HOMER1: variants seen among roughly 807,000 people sequenced by gnomAD.
The protein encoded by HOMER1 is homer protein homolog 1.
Under a neutral mutation model 48.9 loss-of-function variants are expected in HOMER1, and 3 were observed. The observed-to-expected ratio is 0.06, with a 90% CI of 0.03 to 0.16. HOMER1 has a LOEUF of 0.16. HOMER1 is among the 10% of genes least tolerant of loss of function. The pLI, the probability that HOMER1 is intolerant of heterozygous loss-of-function variation, is 1.00. For missense variants in HOMER1, 247 were observed against 411.4 expected (o/e 0.60, Z 3.46); for synonymous variants, 134 against 146.4 (o/e 0.92, Z 0.61).
chr5:79,512,633 T>C (rs1752973105), intron 1 of HOMER1, 137 bp downstream of exon 1: 6 of 766,684 alleles, frequency 7.8e-6, no homozygotes, highest in Non-Finnish European at 8.8e-6. Context: ...AAGGTTAGCA[T>C]GCCTATTTCT....
At chr5:79,509,513 C>G (rs993021348) in intron 1 of HOMER1, among the ~76,000 whole-genome samples, 3 of 152,130 alleles carry the variant, frequency 2.0e-5, no homozygotes, top group African/African-American at 7.2e-5. Context: ...GGGGTCATAC[C>G]TAACAGGGGC....
intron 8 of HOMER1, among the ~76,000 whole-genome samples, chr5:79,382,527 C>G (rs1408548113): frequency 2.0e-5 from 3 of 152,068 alleles, no homozygotes; most frequent in Non-Finnish European, 2.9e-5. Context: ...AAACAAAAAA[C>G]AAAACTGCTA....
chr5:79,476,525 C>G (rs1286668001), intron 1 of HOMER1, among the ~76,000 whole-genome samples: 2 of 152,174 alleles, frequency 1.3e-5, no homozygotes, highest in East Asian at 3.9e-4. Flanking sequence ...GACCAACTGG[C>G]TTTGAGTTGG....
chr5:79,481,002 C>T (rs1020802067), intron 1 of HOMER1, among the ~76,000 whole-genome samples: 8 of 152,058 alleles, frequency 5.3e-5, no homozygotes, highest in Non-Finnish European at 1.0e-4. Context: ...TTTATTTGCC[C>T]CATATAAAGC....
In HOMER1 at chr5:79,493,653, T is replaced by C. The variant is rs535960872; in HGVS notation, c.5+19117A>G. On this transcript the variant is annotated intron_variant, in intron 1 of 8. Coordinates refer to ENST00000334082, the MANE Select transcript of HOMER1 (RefSeq NM_004272.5). ...TCTATGAGGACAATATTTCTCCTAC[T>C]GAAGGTTAACTCCTCCATCTGTGCT... Among the ~76,000 whole-genome samples the C allele has an allele frequency of 4.6e-5, 7 of 152,366 alleles. No individual in the cohort carries two copies. The East Asian group carries it at 1.2e-3, about 25-fold the overall frequency.
At chr5:79,406,816 T>A (rs1749673508) in intron 5 of HOMER1, among the ~76,000 whole-genome samples, 1 of 152,120 alleles carries the variant, frequency 6.6e-6, no homozygotes, top group African/African-American at 2.4e-5. Context: ...TACACAAGAC[T>A]CTCAACTATC....
chr5:79,481,351 T>C (rs1482566049), intron 1 of HOMER1, among the ~76,000 whole-genome samples: 6 of 152,120 alleles, frequency 3.9e-5, no homozygotes. Flanking sequence ...GCACAATAAA[T>C]AGCATGGCAC....
intron 5 of HOMER1, among the ~76,000 whole-genome samples, chr5:79,435,787 A>G (rs1244283892): frequency 6.9e-6 from 1 of 145,256 alleles, no homozygotes; most frequent in Non-Finnish European, 1.5e-5. Flanking sequence ...GCCAAGATTG[A>G]GCCATTGCAC....
At chr5:79,490,044 A>G in intron 1 of HOMER1, among the ~76,000 whole-genome samples, 1 of 152,232 alleles carries the variant, frequency 6.6e-6, no homozygotes, top group Non-Finnish European at 1.5e-5. Context: ...GGTGATGTCA[A>G]TCACTGCAAA....
chr5:79,377,649 C>G (rs913680785), intron 8 of HOMER1, among the ~76,000 whole-genome samples: 5 of 152,036 alleles, frequency 3.3e-5, no homozygotes, highest in Admixed American at 3.3e-4. Flanking sequence ...GGAATTCTAT[C>G]AAGTCTAAAG....
chr5:79,485,677 A>T (rs1336105098), intron 1 of HOMER1, among the ~76,000 whole-genome samples: 1 of 152,226 alleles, frequency 6.6e-6, no homozygotes, highest in Non-Finnish European at 1.5e-5. Flanking sequence ...GAAAATGAAG[A>T]GCTATGAGAA....
intron 1 of HOMER1, chr5:79,510,404 G>C: frequency 1.6e-6 from 1 of 619,142 alleles, no homozygotes; most frequent in Non-Finnish European, 3.0e-6. Flanking sequence ...GATTCTAGGC[G>C]CTTCAGGAGC....
At chr5:79,458,683 C>T (rs1751237070) in intron 1 of HOMER1, among the ~76,000 whole-genome samples, 2 of 152,074 alleles carry the variant, frequency 1.3e-5, no homozygotes, top group South Asian at 4.1e-4. Flanking sequence ...ATTAAAGAAT[C>T]TCTCTTAAAA....
chr5:79,494,146 C>G (rs571598562), intron 1 of HOMER1, among the ~76,000 whole-genome samples: 111 of 152,272 alleles, frequency 7.3e-4, no homozygotes, highest in African/African-American at 2.6e-3. Context: ...TGACTATTCC[C>G]AGAGATGCCT....
In HOMER1 at chr5:79,402,031, C is replaced by T. The variant is rs570119420; in HGVS notation, c.552G>A (p.Glu184=). 33 of 1,613,670 alleles carry T rather than the reference C, an allele frequency of 2.0e-5. No individual in the cohort carries two copies. The East Asian group carries it at 5.6e-4, about 27-fold the overall frequency. Residue 184 remains glutamate (E), a synonymous_variant, in exon 6 of 9, where the codon GAG becomes GAA. Coordinates refer to ENST00000334082, the MANE Select transcript of HOMER1 (RefSeq NM_004272.5). ...TTCCTTTGAGGGTAGCCAGTTCAGC[C>T]TCCCAATGTTTGCTGATTGCTGAAC... ...SHSSAISKHW[E]AELATLKGNN...
intron 1 of HOMER1, among the ~76,000 whole-genome samples, chr5:79,486,995 T>G (rs1198564309): frequency 2.0e-5 from 3 of 152,130 alleles, no homozygotes; most frequent in African/African-American, 7.2e-5. Context: ...AAAGAATACA[T>G]TTTGGCCAGG....
intron 8 of HOMER1, among the ~76,000 whole-genome samples, chr5:79,391,148 T>TG (rs1749240256): frequency 7.1e-6 from 1 of 140,810 alleles, no homozygotes; most frequent in African/African-American, 2.7e-5. Flanking sequence ...TTTTGTTTTT[T>TG]TTTTTTTTGA....
chr5:79,448,611 A>T (rs1322285500), intron 3 of HOMER1, among the ~76,000 whole-genome samples: 1 of 152,180 alleles, frequency 6.6e-6, no homozygotes, highest in African/African-American at 2.4e-5. Context: ...GCCTTCTCCA[A>T]ACCCTTATAA....
At chr5:79,426,545 G>A (rs972705018) in intron 5 of HOMER1, among the ~76,000 whole-genome samples, 7 of 151,952 alleles carry the variant, frequency 4.6e-5, no homozygotes, top group African/African-American at 1.2e-4. Context: ...TAAGCCATGC[G>A]CAGAAAGACA....
Sources: gnomAD v4.1 joint callset for allele counts (sites outside exome capture counted in the v4.1 genomes callset) on GRCh38, gnomAD v4.1.1 for gene constraint, MANE v1.5 for transcripts, NCBI Gene and HGNC (gene_info 2026-07-23, HGNC 2026-07-21) for gene names.